FAM193A: variants seen among roughly 807,000 people sequenced by gnomAD.
The protein encoded by FAM193A is family with sequence similarity 193 member A.
A neutral mutation model predicts 126.5 loss-of-function variants in FAM193A; 22 were observed. The ratio of observed to expected loss-of-function variants is 0.17; its 90% confidence interval spans 0.12 to 0.25. The LOEUF (loss-of-function observed/expected upper bound fraction) is 0.25. Among genes scored for constraint, FAM193A ranks in the 10% least tolerant of loss-of-function variants. The pLI is 1.00. For missense variants in FAM193A, 1,675 were observed against 1,672.8 expected (o/e 1.00, Z -0.02); for synonymous variants, 761 against 646.8 (o/e 1.18, Z -2.68).
At chr4:2,565,276 T>TTTTAAAAA (rs71178481) in intron 1 of FAM193A, among the ~76,000 whole-genome samples, 3 of 47,886 alleles carry the variant, frequency 6.3e-5, no homozygotes, top group African/African-American at 2.4e-4. Context: ...TTTTTTTTTT[T>TTTTAAAAA]AAAAGATGCA....
chr4:2,680,445 C>G (rs190654992), intron 13 of FAM193A, among the ~76,000 whole-genome samples: 1 of 151,658 alleles, frequency 6.6e-6, no homozygotes, highest in Non-Finnish European at 1.5e-5. Context: ...CTTGGCCCCC[C>G]AATAGCTGGG....
intron 2 of FAM193A, among the ~76,000 whole-genome samples, chr4:2,611,659 G>C (rs1577072847): frequency 6.6e-6 from 1 of 152,058 alleles, no homozygotes; most frequent in East Asian, 1.9e-4. Flanking sequence ...TGGCTGTTCA[G>C]ATCTTCTGCT....
chr4:2,614,457 C>G (rs902342754), intron 2 of FAM193A, among the ~76,000 whole-genome samples: 1 of 152,128 alleles, frequency 6.6e-6, no homozygotes, highest in Admixed American at 6.6e-5. Flanking sequence ...CCTGGGATAA[C>G]TCACATTTGG....
intron 4 of FAM193A, 41 bp from the exon 5 acceptor site, chr4:2,630,894 G>A: frequency 2.5e-6 from 3 of 1,187,502 alleles, no homozygotes; most frequent in Non-Finnish European, 2.5e-6. Flanking sequence ...GCACCCATGG[G>A]CCCTGGTGGG....
intron 1 of FAM193A, among the ~76,000 whole-genome samples, chr4:2,568,484 C>T (rs974532911): frequency 3.9e-5 from 6 of 152,172 alleles, no homozygotes; most frequent in African/African-American, 9.7e-5. Flanking sequence ...TGTGTCATTG[C>T]ACTTCAGCCT....
intron 1 of FAM193A, among the ~76,000 whole-genome samples, chr4:2,538,084 C>T (rs958342878): frequency 1.3e-5 from 2 of 151,678 alleles, no homozygotes; most frequent in African/African-American, 4.8e-5. Context: ...TGAAAAGTTG[C>T]GTTCTTATAA....
chr4:2,677,602 G>A (rs569976467), intron 13 of FAM193A, among the ~76,000 whole-genome samples: 100 of 151,974 alleles, frequency 6.6e-4, no homozygotes, highest in Non-Finnish European at 8.4e-4. Flanking sequence ...TTAGCCGGGC[G>A]TGGTGGCACG....
chr4:2,684,920 C>T (rs1715558091), intron 13 of FAM193A, among the ~76,000 whole-genome samples: 1 of 152,186 alleles, frequency 6.6e-6, no homozygotes, highest in African/African-American at 2.4e-5. Context: ...AAGAGCAAAG[C>T]CGAGCAGGTG....
At chr4:2,678,695 G>A (rs1714738209) in intron 13 of FAM193A, among the ~76,000 whole-genome samples, 1 of 152,142 alleles carries the variant, frequency 6.6e-6, no homozygotes, top group Admixed American at 6.5e-5. Flanking sequence ...GTCGTGAATG[G>A]AATTGTTTTC....
intron 1 of FAM193A, among the ~76,000 whole-genome samples, chr4:2,544,747 T>C (rs534046694): frequency 6.6e-6 from 1 of 152,016 alleles, no homozygotes; most frequent in Non-Finnish European, 1.5e-5. Context: ...TGTATACCTG[T>C]AATCCCAGTT....
intron 1 of FAM193A, among the ~76,000 whole-genome samples, chr4:2,550,460 G>T (rs1367256298): frequency 1.3e-5 from 2 of 152,008 alleles, no homozygotes; most frequent in African/African-American, 4.8e-5. Context: ...TTTTGAGGCA[G>T]AGTTTCGCTC....
At chr4:2,586,889 G>T (rs971940617) in intron 1 of FAM193A, among the ~76,000 whole-genome samples, 2 of 152,188 alleles carry the variant, frequency 1.3e-5, no homozygotes, top group African/African-American at 4.8e-5. Context: ...CTGGGCTCAA[G>T]CAACCCTTTC....
At chr4:2,720,895 C>T (rs547662982) in intron 20 of FAM193A, among the ~76,000 whole-genome samples, 11 of 152,222 alleles carry the variant, frequency 7.2e-5, no homozygotes, top group African/African-American at 2.2e-4. Flanking sequence ...TGTCAAGGAC[C>T]GGGCATAGTG....
At chr4:2,596,032 C>A in intron 1 of FAM193A, 52 bp from the exon 2 acceptor site, 1 of 660,126 alleles carries the variant, frequency 1.5e-6, no homozygotes, top group Non-Finnish European at 2.7e-6. Context: ...TTTTAATATT[C>A]TTGGCTTTGT....
chr4:2,654,934 C>T, intron 7 of FAM193A: 1 of 489,044 alleles, frequency 2.0e-6, no homozygotes, highest in Non-Finnish European at 3.7e-6. Flanking sequence ...CCGGCATTAA[C>T]TCTTGTAGTT....
At chr4:2,589,037 G>A (rs1219094106) in intron 1 of FAM193A, among the ~76,000 whole-genome samples, 4 of 152,194 alleles carry the variant, frequency 2.6e-5, no homozygotes, top group African/African-American at 9.7e-5. Flanking sequence ...TCCCATGACA[G>A]AGCAGGGATA....
chr4:2,697,889 G>T (rs1560582571), intron 18 of FAM193A, among the ~76,000 whole-genome samples: 1 of 152,170 alleles, frequency 6.6e-6, no homozygotes, highest in Non-Finnish European at 1.5e-5. Flanking sequence ...CGTCCCATTG[G>T]GATTCACTGG....
chr4:2,647,895 G>A (rs555876586), intron 7 of FAM193A, among the ~76,000 whole-genome samples: 1 of 152,314 alleles, frequency 6.6e-6, no homozygotes, highest in Non-Finnish European at 1.5e-5. Flanking sequence ...GCCCTGGCAT[G>A]GTGAGTGCCA....
chr4:2,686,796 T>A (rs746510762), intron 13 of FAM193A, among the ~76,000 whole-genome samples: 25 of 152,214 alleles, frequency 1.6e-4, no homozygotes, highest in Non-Finnish European at 2.2e-4. Context: ...AAGCTAGCAG[T>A]TTGGCATCTG....
Sources: gnomAD v4.1 joint callset for allele counts (sites outside exome capture counted in the v4.1 genomes callset) on GRCh38, gnomAD v4.1.1 for gene constraint, MANE v1.5 for transcripts, NCBI Gene and HGNC (gene_info 2026-07-23, HGNC 2026-07-21) for gene names.